CUL2: variants seen among roughly 807,000 people sequenced by gnomAD.
CUL2 encodes cullin 2, also known as cullin-2.
A neutral mutation model predicts 110.2 loss-of-function variants in CUL2; 22 were observed. The observed-to-expected ratio is 0.20, with a 90% confidence interval of 0.14 to 0.28. CUL2 has a LOEUF of 0.28. Among genes scored for constraint, CUL2 ranks in the 10% least tolerant of loss-of-function variants. CUL2 has a pLI of 1.00. For synonymous variants in CUL2, 279 were observed against 293.2 expected (o/e 0.95, Z 0.49); for missense variants, 631 against 905.5 (o/e 0.70, Z 3.89).
intron 1 of CUL2, among the ~76,000 whole-genome samples, chr10:35,071,570 A>T (rs954786173): frequency 6.6e-6 from 1 of 151,962 alleles, no homozygotes; most frequent in African/African-American, 2.4e-5. Context: ...ATGCCCAGCT[A>T]ATTTTTTGTA....
intron 1 of CUL2, chr10:35,118,321 T>A (rs995264707): frequency 3.3e-5 from 5 of 152,242 alleles, no homozygotes; most frequent in African/African-American, 1.2e-4. Flanking sequence ...TTTTTTCCCC[T>A]TCTGGAATTT....
intron 1 of CUL2, among the ~76,000 whole-genome samples, chr10:35,088,010 TC>T (rs2087103995): frequency 6.6e-6 from 1 of 152,204 alleles, no homozygotes; most frequent in African/African-American, 2.4e-5. Flanking sequence ...CATTTGTTCC[TC>T]CCTAAAATAG....
Position 35,060,862 on chromosome 10 carries a change from A to G in CUL2, c.317+12T>C. The stretch of plus-strand genomic sequence containing the variant: ...GCTGCTTAGCTTGTCTAGATTTTAA[A>G]GGCACACTCACCTATATAAGCAGTC... On this transcript the variant is annotated intron_variant, in intron 4 of 20. Transcript: ENST00000374749. 1 of 1,597,538 alleles carries G rather than the reference A, an allele frequency of 6.3e-7. No homozygotes were observed.
chr10:35,122,532 A>G lies in CUL2; in HGVS notation c.-51+4073T>C, dbSNP rs1379991223. Among the ~76,000 whole-genome samples, 3 of 152,264 alleles carry G rather than the reference A, an allele frequency of 2.0e-5. No individual in the cohort carries two copies. In the East Asian group the frequency reaches 5.8e-4, roughly 29 times the overall value. On this transcript the variant is annotated intron_variant, in intron 1 of 5. Transcript: ENST00000685421. ...AATAATTATAGTTTACATTTATTTA[A>G]TGCTTATTTTGTGCCAGGCACAATG...
intron 10 of CUL2, among the ~76,000 whole-genome samples, chr10:35,034,144 A>G (rs987818895): frequency 1.3e-5 from 2 of 152,236 alleles, no homozygotes; most frequent in Non-Finnish European, 2.9e-5. Context: ...TAACTAAGTC[A>G]GTTGGATTTG....
chr10:35,050,107 G>A (rs2086061152), intron 5 of CUL2, among the ~76,000 whole-genome samples: 2 of 152,170 alleles, frequency 1.3e-5, no homozygotes, highest in African/African-American at 4.8e-5. Context: ...CACATCACGA[G>A]GTCAGGAGAT....
intron 10 of CUL2, among the ~76,000 whole-genome samples, chr10:35,034,629 C>G (rs1457477727): frequency 6.6e-6 from 1 of 152,094 alleles, no homozygotes; most frequent in Non-Finnish European, 1.5e-5. Flanking sequence ...CAAACTGTTA[C>G]AGTACAAACT....
chr10:35,059,870 TACTA>T (rs767185864), intron 4 of CUL2, among the ~76,000 whole-genome samples: 6 of 152,320 alleles, frequency 3.9e-5, no homozygotes, highest in South Asian at 2.1e-4. Context: ...AAAACAGAGA[TACTA>T]ACTAACTCAT....
rs775391564 is a variant in CUL2, at chr10:35,032,624, T to G, written c.1111-130A>C. 4.9e-6 allele frequency: 3 copies of G among 613,138 alleles called. No individual in the cohort carries two copies. In the African/African-American group the frequency reaches 5.7e-5, roughly 12 times the overall value. The allele number at this position is 613,138 out of a possible 1,614,324, so 38.0% of individuals were successfully genotyped here. On this transcript the variant is annotated intron_variant, in intron 11 of 20. Transcript: ENST00000374749. ...AAAACACAGCATTGCCGGTAGTTTG[T>G]TAATATTTTCATGCCTAACATGGTA...
Position 35,022,071 on chromosome 10 carries a change from A to G in CUL2, c.1684+3061T>C, listed in dbSNP as rs187334458. On this transcript the variant is annotated intron_variant, in intron 17 of 20. Coordinates refer to ENST00000374749, the MANE Select transcript of CUL2 (RefSeq NM_003591.4). ...ACATTCAAAACACCGTACTGTAACT[A>G]TGTACGTATGTCTGTCTTCCTACTA... 1.4e-3 allele frequency among the ~76,000 whole-genome samples: 185 copies of G among 136,662 alleles called. 2 individuals carry two copies. Among genetic ancestry groups the G allele is most frequent in the Admixed American group, 0.011 (150 of 13,616 alleles). The allele number at this position is 136,662 out of a possible 152,430, so 89.7% of individuals were successfully genotyped here. A position where few individuals can be genotyped will look rare whatever the true frequency, so the allele number is the denominator to read the frequency against.
At position 35,008,983 on chromosome 10, in the gene CUL2, C is replaced by G. The variant is rs2084827265; in HGVS notation, c.*1328G>C. On this transcript the variant is annotated 3_prime_UTR_variant, in exon 21 of 21. Coordinates refer to ENST00000374749, the MANE Select transcript of CUL2 (RefSeq NM_003591.4). ...GTGGCTCATGCTTGTAATCCCAGCA[C>G]TTTGGGAGACAGAGATAGGATTGCT... The G allele has an allele frequency of 6.6e-6, 1 of 151,708 alleles. No individual in the cohort carries two copies. Among genetic ancestry groups the G allele is most frequent in the African/African-American group, 2.4e-5 (1 of 41,278 alleles). The allele number at this position is 151,708 out of a possible 1,614,324, so 9.4% of individuals were successfully genotyped here.
At position 35,074,159 on chromosome 10, in the gene CUL2, C is replaced by T. The variant is rs2086755786; in HGVS notation, c.-22-2820G>A. On this transcript the variant is annotated intron_variant, in intron 1 of 20. Coordinates refer to ENST00000374749, the MANE Select transcript of CUL2 (RefSeq NM_003591.4). ...TGACTTCAAGATCAGAATCTCAGAT[C>T]TTGCCCTTATCAAAGACACAAAAAT... 4 of 1,532,166 alleles carry T rather than the reference C, an allele frequency of 2.6e-6. No individual in the cohort carries two copies. In the East Asian group the frequency reaches 9.8e-5, roughly 37 times the overall value. The allele number at this position is 1,532,166 out of a possible 1,614,324, so 94.9% of individuals were successfully genotyped here.
At chr10:35,048,627 TAAAGAAAAGAG>T (rs1263724352) in intron 6 of CUL2, among the ~76,000 whole-genome samples, 1 of 152,180 alleles carries the variant, frequency 6.6e-6, no homozygotes, top group Non-Finnish European at 1.5e-5. Flanking sequence ...CACAGTTTTG[TAAAGAAAAGAG>T]GAAGAAAAAC....
intron 18 of CUL2, among the ~76,000 whole-genome samples, chr10:35,014,072 C>A (rs1466673388): frequency 6.6e-6 from 1 of 152,226 alleles, no homozygotes; most frequent in Non-Finnish European, 1.5e-5. Context: ...ATTCTATATA[C>A]ACTACTTTTT....
chr10:35,033,902 TG>T (rs771307540), intron 10 of CUL2, among the ~76,000 whole-genome samples: 135 of 152,314 alleles, frequency 8.9e-4, no homozygotes, highest in Middle Eastern at 3.4e-3. Flanking sequence ...TAACAAGACC[TG>T]AACTACCAGG....
intron 1 of CUL2, chr10:35,074,404 CCTTA>C (rs2135007698): frequency 1.6e-6 from 1 of 620,488 alleles, no homozygotes; most frequent in African/African-American, 1.8e-5. Flanking sequence ...TTGCCTTTAC[CCTTA>C]CTATTTTCTC....
chr10:35,065,114 C>A (rs1024141076), intron 2 of CUL2, among the ~76,000 whole-genome samples: 2 of 152,152 alleles, frequency 1.3e-5, no homozygotes, highest in African/African-American at 4.8e-5. Flanking sequence ...TAACTATGTT[C>A]TTTTTCTCTA....
chr10:35,067,865 T>A (rs1327467365), intron 2 of CUL2, among the ~76,000 whole-genome samples: 1 of 151,876 alleles, frequency 6.6e-6, no homozygotes, highest in Non-Finnish European at 1.5e-5. Flanking sequence ...CCCAGCACTT[T>A]GGGAGGCTGA....
At position 35,097,030 on chromosome 10, in the gene CUL2, G is replaced by A. The variant is rs564813572; in HGVS notation, c.167+3814C>T. Among the ~76,000 whole-genome samples, 17 of 152,028 alleles carry A rather than the reference G, an allele frequency of 1.1e-4. No homozygotes were observed. In the East Asian group the frequency reaches 3.1e-3, roughly 28 times the overall value. ...TCACCATGTTGGCCAGGCTGGTCTC[G>A]AACTCCTGTCTCCACATGACCCGTC... On this transcript the variant is annotated intron_variant, in intron 2 of 5. Transcript: ENST00000685421.
Sources: allele counts gnomAD v4.1 joint callset (sites outside exome capture counted in the v4.1 genomes callset), GRCh38; gene constraint gnomAD v4.1.1; transcripts MANE v1.5; gene names NCBI Gene and HGNC (gene_info 2026-07-23, HGNC 2026-07-21).